HMOX1: variants seen among roughly 807,000 people sequenced by gnomAD.
HMOX1 encodes heme oxygenase 1, also known as heat shock protein, 32-kD.
A neutral mutation model predicts 27.8 loss-of-function variants in HMOX1; 22 were observed. That is an observed-to-expected ratio of 0.79 (90% CI 0.57 to 1.13). The LOEUF (loss-of-function observed/expected upper bound fraction) is 1.13, where lower values mean the gene tolerates loss of function less well. HMOX1 is among the 50% of genes most tolerant of loss of function. The pLI is 0.00. For missense variants in HMOX1, 379 were observed against 377.7 expected (o/e 1.00, Z -0.03); for synonymous variants, 153 against 151.6 (o/e 1.01, Z -0.07).
At position 35,383,110 on chromosome 22, in the gene HMOX1, C is replaced by A. The variant is rs551161442; in HGVS notation, c.28C>A (p.Pro10Thr). The change falls in exon 2 of 5, where the codon CCC (proline) becomes ACC (threonine). Residue 10 changes from proline to threonine, a missense_variant. Transcript: ENST00000216117. ...CCTTTCCCATTTCCTCCTCAGCATG[C>A]CCCAGGATTTGTCAGAGGCCCTGAA... is the stretch of plus-strand genomic sequence containing the variant. The part of the protein sequence containing the change: MERPQPDSM[P>T]QDLSEALKEA... 8.7e-6 allele frequency: 14 copies of A among 1,613,528 alleles called. No individual in the cohort carries two copies. The highest frequency in any genetic ancestry group is 1.1e-5 in the Non-Finnish European group (13 of 1,179,608).
intron 4 of HMOX1, among the ~76,000 whole-genome samples, chr22:35,391,947 G>A (rs375078958): frequency 4.0e-5 from 6 of 151,616 alleles, no homozygotes; most frequent in Admixed American, 6.6e-5. Context: ...AGTTTTGGCC[G>A]GGCACGATGG....
At chr22:35,389,065 A>G (rs186310243) in intron 3 of HMOX1, among the ~76,000 whole-genome samples, 1 of 152,284 alleles carries the variant, frequency 6.6e-6, no homozygotes, top group African/African-American at 2.4e-5. Flanking sequence ...GGCTAAGGAC[A>G]TGGGCGGCCA....
chr22:35,393,472 T>G lies in HMOX1; in HGVS notation c.741T>G (p.Ser247=). ...RQRASNKVQD[S]APVETPRGKP... Reference sequence around the variant, plus strand: ...TTGCCCCATTTTCTCTTTCAGATTCTGCCCCCGTGGAGACTCCCAGAGGGA... The same window carrying G: ...TTGCCCCATTTTCTCTTTCAGATTCGGCCCCCGTGGAGACTCCCAGAGGGA... The change falls in exon 5 of 5, where the codon TCT becomes TCG. Residue 247 remains serine (S), a synonymous_variant. Coordinates refer to ENST00000216117, the MANE Select transcript of HMOX1 (RefSeq NM_002133.3). The G allele has an allele frequency of 6.2e-7, 1 of 1,614,202 alleles. No homozygotes were observed. Among genetic ancestry groups the G allele is most frequent in the Non-Finnish European group, 8.5e-7 (1 of 1,180,014 alleles).
Position 35,386,716 on chromosome 22 carries a change from T to C in HMOX1, c.176T>C (p.Val59Ala), listed in dbSNP as rs767759739. 5.0e-6 allele frequency: 8 copies of C among 1,614,054 alleles called. No individual in the cohort carries two copies. The highest frequency in any genetic ancestry group is 1.7e-5 in the Admixed American group (1 of 60,006). Residue 59 changes from valine to alanine, a missense_variant, in exon 3 of 5, where the codon GTG (valine) becomes GCG (alanine). Coordinates refer to ENST00000216117, the MANE Select transcript of HMOX1 (RefSeq NM_002133.3). ...ATGGCCTCCCTGTACCACATCTATG[T>C]GGCCCTGGAGGAGGAGATTGAGCGC... ...LVMASLYHIY[V>A]ALEEEIERNK...
chr22:35,389,305 TTCTTTC>T lies in HMOX1; in HGVS notation c.637-557_637-552del, dbSNP rs773704066. ...TCTCTCTCTCTTCTTTCTTCTTTCT[TTCTTTC>T]TTTCTTTCTTCTTTCTTTCTTTCTT... On this transcript the variant is annotated intron_variant, in intron 3 of 4. Transcript: ENST00000216117. 8.5e-5 allele frequency among the ~76,000 whole-genome samples: 11 copies of T among 129,250 alleles called. 1 individual carries two copies. Among genetic ancestry groups the T allele is most frequent in the Admixed American group, 1.5e-4 (2 of 13,578 alleles). The allele number at this position is 129,250 out of a possible 152,430, so 84.8% of individuals were successfully genotyped here.
chr22:35,392,687 T>C (rs1310885794), intron 4 of HMOX1, among the ~76,000 whole-genome samples: 1 of 151,800 alleles, frequency 6.6e-6, no homozygotes, highest in Non-Finnish European at 1.5e-5. Context: ...CCAGGTTGCA[T>C]GGTTGGCTCT....
rs913675519 is a variant in HMOX1, at chr22:35,390,079, T to A, written c.736+116T>A. 30 of 791,072 alleles carry A rather than the reference T, an allele frequency of 3.8e-5. No homozygotes were observed. In the African/African-American group the frequency reaches 4.4e-4, roughly 12 times the overall value. The allele number at this position is 791,072 out of a possible 1,614,324, so 49.0% of individuals were successfully genotyped here. ...GAATGTTTGGTGGTGGTGGGTGTTG[T>A]TTCCTGCTGCCCCACCCCACTGCCC... On this transcript the variant is annotated intron_variant, in intron 4 of 4. Coordinates refer to ENST00000216117, the MANE Select transcript of HMOX1 (RefSeq NM_002133.3).
In HMOX1 at chr22:35,393,786, C is replaced by G. The variant is rs1231290748; in HGVS notation, c.*188C>G. ...CTATGGCATCTTCCCCAACGAAAAG[C>G]ACATCCAGGCAATGGCCTAAACTTC... On this transcript the variant is annotated 3_prime_UTR_variant, in exon 5 of 5. Coordinates refer to ENST00000216117, the MANE Select transcript of HMOX1 (RefSeq NM_002133.3). 1 of 701,396 alleles carries G rather than the reference C, an allele frequency of 1.4e-6. No homozygotes were observed. The highest frequency in any genetic ancestry group is 2.5e-6 in the Non-Finnish European group (1 of 401,050). 43.4% of individuals were successfully genotyped at this position (701,396 alleles called of 1,614,324 possible).
At position 35,387,080 on chromosome 22, in the gene HMOX1, G is replaced by C. The variant is rs756629722; in HGVS notation, c.540G>C (p.Gln180His). Residue 180 changes from glutamine to histidine, a missense_variant, in exon 3 of 5, where the codon CAG becomes CAC. Coordinates refer to ENST00000216117, the MANE Select transcript of HMOX1 (RefSeq NM_002133.3). ...TTGCCAGTGCCACCAAGTTCAAGCA[G>C]CTCTACCGCTCCCGCATGAACTCCC... ...PNIASATKFK[Q>H]LYRSRMNSLE... The C allele has an allele frequency of 2.5e-6, 4 of 1,613,590 alleles. No homozygotes were observed. In the South Asian group the frequency reaches 3.3e-5, roughly 13 times the overall value.
intron 3 of HMOX1, among the ~76,000 whole-genome samples, chr22:35,389,338 C>CT (rs1389312921): frequency 1.1e-5 from 1 of 94,784 alleles, no homozygotes; most frequent in Non-Finnish European, 1.9e-5. Flanking sequence ...TTCTTTCTTT[C>CT]TTCTCCTTCC....
intron 4 of HMOX1, among the ~76,000 whole-genome samples, chr22:35,390,803 A>G (rs1931697959): frequency 6.6e-6 from 1 of 152,146 alleles, no homozygotes; most frequent in Admixed American, 6.5e-5. Flanking sequence ...GTATCCAGCT[A>G]TGAACCCACC....
chr22:35,389,250 T>TCCC (rs1931599944), intron 3 of HMOX1, among the ~76,000 whole-genome samples: 1 of 107,788 alleles, frequency 9.3e-6, no homozygotes, highest in African/African-American at 4.9e-5. Context: ...TTTCTTTCTT[T>TCCC]TCTCTCTCTC....
At chr22:35,393,380 T>C (rs1931771747) in intron 4 of HMOX1, 88 bp from the exon 5 acceptor site, 5 of 1,559,394 alleles carry the variant, frequency 3.2e-6, no homozygotes, top group Non-Finnish European at 4.4e-6. Flanking sequence ...CCACAGACCC[T>C]GAGGCCGCTC....
At chr22:35,387,321 C>A in intron 3 of HMOX1, 145 bp downstream of exon 3, 1 of 931,416 alleles carries the variant, frequency 1.1e-6, no homozygotes, top group Non-Finnish European at 1.7e-6. Flanking sequence ...GCTGGGTGAT[C>A]TTGGGCAAAT....
At chr22:35,383,020 G>T (rs1931417929) in intron 1 of HMOX1, 86 bp from the exon 2 acceptor site, 1 of 1,570,538 alleles carries the variant, frequency 6.4e-7, no homozygotes. Context: ...TCTCTTGAAG[G>T]CCTGCCCACA....
intron 1 of HMOX1, among the ~76,000 whole-genome samples, chr22:35,382,318 GTTTTTTGTTTTTTGT>G (rs1398920111): frequency 3.3e-5 from 5 of 150,852 alleles, no homozygotes; most frequent in Non-Finnish European, 7.4e-5. Flanking sequence ...GCCTGAATTT[GTTTTTTGTTTTTTGT>G]TTTTTTGTTT....
chr22:35,389,420 CTTT>C (rs1931646695), intron 3 of HMOX1, among the ~76,000 whole-genome samples: 7 of 88,960 alleles, frequency 7.9e-5, no homozygotes, highest in Non-Finnish European at 1.1e-4. Flanking sequence ...TTCTTTCTTT[CTTT>C]CTTTCTATCT....
chr22:35,391,586 CT>C (rs56153278), intron 4 of HMOX1, among the ~76,000 whole-genome samples: 1,997 of 88,502 alleles, frequency 0.023, 3 homozygotes, highest in Non-Finnish European at 0.027. Context: ...CGCGCCCGGC[CT>C]TTTTTTTTTT....
At chr22:35,382,922 C>T (rs368855435) in intron 1 of HMOX1, among the ~76,000 whole-genome samples, 184 bp from the exon 2 acceptor site, 24 of 151,560 alleles carry the variant, frequency 1.6e-4, no homozygotes, top group African/African-American at 4.6e-4. Context: ...CCTCCCAAAG[C>T]GCTGGGATTA....
Sources: gnomAD v4.1 joint callset for allele counts (sites outside exome capture counted in the v4.1 genomes callset) on GRCh38, gnomAD v4.1.1 for gene constraint, MANE v1.5 for transcripts, NCBI Gene and HGNC (gene_info 2026-07-23, HGNC 2026-07-21) for gene names.